The following LRIG1 variants were observed in gnomAD, a reference collection of about 807,000 sequenced individuals.
LRIG1 encodes the protein leucine rich repeats and immunoglobulin like domains 1.
In LRIG1, 48 loss-of-function variants were observed where a neutral mutation model predicts 99.2. The ratio of observed to expected loss-of-function variants is 0.48; its 90% CI spans 0.38 to 0.62. The LOEUF (loss-of-function observed/expected upper bound fraction) is 0.62, where lower values mean the gene tolerates loss of function less well. LRIG1 is among the 20% of genes least tolerant of loss of function. The probability of loss-of-function intolerance (pLI) is 0.00; values close to 1 mark genes in which losing one functional copy is unlikely to be tolerated. For missense variants in LRIG1, 1,646 were observed against 1,434.4 expected (o/e 1.15, Z -2.38); for synonymous variants, 772 against 596.1 (o/e 1.29, Z -4.30).
chr3:66,397,400 A>G (rs932484258), intron 11 of LRIG1, among the ~76,000 whole-genome samples: 3 of 150,498 alleles, frequency 2.0e-5, no homozygotes, highest in South Asian at 2.1e-4. Context: ...CAGGGAACTG[A>G]TATCATGGCT....
intron 1 of LRIG1, among the ~76,000 whole-genome samples, chr3:66,488,747 A>G (rs982213594): frequency 6.6e-6 from 1 of 152,224 alleles, no homozygotes; most frequent in African/African-American, 2.4e-5. Context: ...GCTGGCCCAG[A>G]AAGAACAGGC....
chr3:66,431,291 A>G (rs1353077356), intron 3 of LRIG1, among the ~76,000 whole-genome samples: 1 of 152,246 alleles, frequency 6.6e-6, no homozygotes, highest in African/African-American at 2.4e-5. Context: ...GGATTCAACC[A>G]GACTCCAGGG....
chr3:66,444,298 A>G (rs1275034745), intron 3 of LRIG1, among the ~76,000 whole-genome samples: 2 of 152,196 alleles, frequency 1.3e-5, no homozygotes, highest in Non-Finnish European at 2.9e-5. Context: ...ACAAGCAAAT[A>G]TGTAACAGTC....
intron 5 of LRIG1, among the ~76,000 whole-genome samples, chr3:66,413,444 A>G (rs1702530424): frequency 6.6e-6 from 1 of 152,248 alleles, no homozygotes; most frequent in Admixed American, 6.5e-5. Context: ...TCAACCCAGG[A>G]AAAACCAAAC....
chr3:66,500,288 G>A lies in LRIG1; in HGVS notation c.120C>T (p.Pro40=). The A allele has an allele frequency of 6.8e-7, 1 of 1,473,514 alleles. No homozygotes were observed. The highest frequency in any genetic ancestry group is 8.9e-7 in the Non-Finnish European group (1 of 1,118,442). 91.3% of individuals were successfully genotyped at this position (1,473,514 alleles called of 1,614,324 possible). The change falls in exon 1 of 19, where the codon CCC becomes CCT. Residue 40 remains proline (P), a synonymous_variant. Transcript: ENST00000273261. ...CAGCGCAAGTGCAGGCGGCCGCGCA[G>A]GGCGCCCGCGGGCCGGCCGCGGCGG... The part of the protein sequence containing the change: ...PVTAAAGPRA[P]CAAACTCAGD...
intron 3 of LRIG1, among the ~76,000 whole-genome samples, chr3:66,445,355 C>G (rs1292875198): frequency 6.6e-6 from 1 of 151,888 alleles, no homozygotes; most frequent in African/African-American, 2.4e-5. Context: ...CAGGTTGCTA[C>G]GCGGGGGAAG....
intron 12 of LRIG1, among the ~76,000 whole-genome samples, chr3:66,388,759 C>T (rs942869366): frequency 6.6e-6 from 1 of 152,024 alleles, no homozygotes; most frequent in African/African-American, 2.4e-5. Flanking sequence ...AAAACCTATC[C>T]TTCAAAAATG....
chr3:66,415,529 T>TAC (rs1471584456), intron 4 of LRIG1, among the ~76,000 whole-genome samples: 1 of 152,242 alleles, frequency 6.6e-6, no homozygotes, highest in Non-Finnish European at 1.5e-5. Flanking sequence ...TGGGTCTTGC[T>TAC]ATATGAACTA....
chr3:66,398,619 G>C (rs777194399), intron 10 of LRIG1, among the ~76,000 whole-genome samples: 10 of 152,206 alleles, frequency 6.6e-5, no homozygotes, highest in Non-Finnish European at 1.3e-4. Context: ...TTTAATGGAG[G>C]CAACAGGCTT....
chr3:66,462,868 T>C (rs936507319), intron 1 of LRIG1, among the ~76,000 whole-genome samples: 1 of 152,136 alleles, frequency 6.6e-6, no homozygotes, highest in South Asian at 2.1e-4. Context: ...TTAACGGCAT[T>C]TTTTTAAATT....
At position 66,379,110 on chromosome 3, in the gene LRIG1, C is replaced by A. The variant is rs1700871920; in HGVS notation, c.*1153G>T. Reference sequence around the variant, plus strand: ...TCCCTTCAGCTTTTGGCCAAAGGAACATTTGAAGGACCTTGTTTCTATTTA... The same window carrying A: ...TCCCTTCAGCTTTTGGCCAAAGGAAAATTTGAAGGACCTTGTTTCTATTTA... On this transcript the variant is annotated 3_prime_UTR_variant, in exon 19 of 19. Transcript: ENST00000273261. The A allele has an allele frequency of 6.6e-6, 1 of 152,590 alleles. No individual in the cohort carries two copies. Among genetic ancestry groups the A allele is most frequent in the Non-Finnish European group, 1.5e-5 (1 of 68,036 alleles). The allele number at this position is 152,590 out of a possible 1,614,324, so 9.5% of individuals were successfully genotyped here. A position where few individuals can be genotyped will look rare whatever the true frequency, so the allele number is the denominator to read the frequency against.
intron 3 of LRIG1, among the ~76,000 whole-genome samples, chr3:66,442,461 G>A (rs934186161): frequency 2.0e-5 from 3 of 152,124 alleles, no homozygotes; most frequent in Admixed American, 6.5e-5. Flanking sequence ...AGGAGGAGGA[G>A]GAGGAGGAGG....
rs986187875 is a variant in LRIG1 at position 66,462,592 on chromosome 3, TC to T, written c.219-84del. The T allele has an allele frequency of 2.7e-5, 24 of 894,106 alleles. No homozygotes were observed. The African/African-American group carries it at 4.0e-4, about 15-fold the overall frequency. The allele number at this position is 894,106 out of a possible 1,614,324, so 55.4% of individuals were successfully genotyped here. On this transcript the variant is annotated intron_variant, in intron 1 of 18. Transcript: ENST00000273261. ...TTCAGAAATCTTCTCTTCTCCTGGC[TC>T]CCCCACCCTCAAATCCAAGCCCCCA...
Position 66,446,299 on chromosome 3 carries a change from G to A in LRIG1, c.365+5260C>T, listed in dbSNP as rs114147292. On this transcript the variant is annotated intron_variant, in intron 3 of 18. Transcript: ENST00000273261. The stretch of plus-strand genomic sequence containing the variant: ...GAAGGGGGAAGGTGACCACCTCCCC[G>A]CTTGGTCACAGGTAGGACACCGCGT... Among the ~76,000 whole-genome samples the A allele has an allele frequency of 6.3e-3, 955 of 151,942 alleles. 10 individuals are homozygous for A. The highest frequency in any genetic ancestry group is 0.021 in the African/African-American group (875 of 41,418).
intron 12 of LRIG1, among the ~76,000 whole-genome samples, chr3:66,390,971 A>G (rs1701593582): frequency 6.6e-6 from 1 of 152,204 alleles, no homozygotes; most frequent in African/African-American, 2.4e-5. Flanking sequence ...AACATTGAAA[A>G]GACAAATGAA....
intron 2 of LRIG1, among the ~76,000 whole-genome samples, chr3:66,462,184 T>G (rs1700369916): frequency 6.6e-6 from 1 of 152,214 alleles, no homozygotes; most frequent in Non-Finnish European, 1.5e-5. Flanking sequence ...ATGGAGGGAC[T>G]CTGCTATACA....
intron 1 of LRIG1, among the ~76,000 whole-genome samples, chr3:66,491,351 T>C (rs191284006): frequency 7.2e-5 from 11 of 152,328 alleles, no homozygotes; most frequent in South Asian, 6.2e-4. Flanking sequence ...CAACAATTAA[T>C]AGCTTGGTAG....
chr3:66,416,565 T>G lies in LRIG1; in HGVS notation c.503+564A>C, dbSNP rs1702618856. 2.0e-5 allele frequency among the ~76,000 whole-genome samples: 3 copies of G among 152,320 alleles called. No homozygotes were observed. The South Asian group carries it at 6.2e-4, about 32-fold the overall frequency. On this transcript the variant is annotated intron_variant, in intron 4 of 18. Transcript: ENST00000273261. ...TTTCCTTCCTGTCTACCATCCATTG[T>G]GTGTGAGATGGGACATTAATATGGG...
chr3:66,427,404 A>G (rs75178583), intron 3 of LRIG1, among the ~76,000 whole-genome samples: 8,600 of 152,352 alleles, frequency 0.056, 306 homozygotes, highest in South Asian at 0.14. Context: ...TACAGGGCAC[A>G]CCAGCCCTGA....
Sources: allele counts gnomAD v4.1 joint callset (sites outside exome capture counted in the v4.1 genomes callset), GRCh38; gene constraint gnomAD v4.1.1; transcripts MANE v1.5; gene names NCBI Gene and HGNC (gene_info 2026-07-23, HGNC 2026-07-21).